Variants in MRPL44 observed in about 807,000 individuals in gnomAD.
MRPL44 encodes the protein mitochondrial ribosomal protein L44, also known as large ribosomal subunit protein mL44.
Under a neutral mutation model 25.9 loss-of-function variants are expected in MRPL44, and 21 were observed. That is an observed-to-expected ratio of 0.81 (90% CI 0.58 to 1.17). The LOEUF (loss-of-function observed/expected upper bound fraction) is 1.17. Among genes scored for constraint, MRPL44 ranks in the 50% most tolerant of loss-of-function variants. The probability of loss-of-function intolerance (pLI) is 0.00; values close to 1 mark genes in which losing one functional copy is unlikely to be tolerated. For synonymous variants in MRPL44, 169 were observed against 151.0 expected (o/e 1.12, Z -0.87); for missense variants, 410 against 398.9 (o/e 1.03, Z -0.24).
At chr2:223,960,235 A>G (rs188367155) in intron 2 of MRPL44, among the ~76,000 whole-genome samples, 1 of 152,300 alleles carries the variant, frequency 6.6e-6, no homozygotes, top group African/African-American at 2.4e-5. Flanking sequence ...ACCACAAGCC[A>G]TATCATCTTT....
chr2:223,962,117 C>T (rs914616821), intron 2 of MRPL44, among the ~76,000 whole-genome samples: 1 of 152,092 alleles, frequency 6.6e-6, no homozygotes, highest in African/African-American at 2.4e-5. Context: ...ACTGCAGCCT[C>T]GACTTCCTGT....
At chr2:223,954,015 A>C (rs1689529621), upstream of MRPL44, among the ~76,000 whole-genome samples, 1 of 152,246 alleles carries the variant, frequency 6.6e-6, no homozygotes, top group Non-Finnish European at 1.5e-5. Flanking sequence ...AGGAACACGT[A>C]AAGTGGAAAC....
intron 3 of MRPL44, among the ~76,000 whole-genome samples, chr2:223,966,568 ATTC>A (rs1376994864): frequency 1.3e-5 from 2 of 152,216 alleles, no homozygotes; most frequent in South Asian, 2.1e-4. Flanking sequence ...TTATTTACAT[ATTC>A]TTCCAATTCT....
In MRPL44 at chr2:223,957,542, C is replaced by G. The variant is rs1248647346; in HGVS notation, c.70C>G (p.Leu24Val). 1.9e-6 allele frequency: 3 copies of G among 1,614,092 alleles called. No individual in the cohort carries two copies. Among genetic ancestry groups the G allele is most frequent in the Non-Finnish European group, 2.5e-6 (3 of 1,180,022 alleles). Reference protein sequence around the residue: ...RCLLAPVAPKLVPPVRGVKKG... With the variant: ...RCLLAPVAPKVVPPVRGVKKG... ...CCTCCTGGCTCCAGTCGCCCCCAAG[C>G]TGGTCCCTCCGGTTCGGGGAGTGAA... is the stretch of plus-strand genomic sequence containing the variant. Residue 24 changes from leucine to valine, a missense_variant, in exon 1 of 4, where the codon CTG becomes GTG. Coordinates refer to ENST00000258383, the MANE Select transcript of MRPL44 (RefSeq NM_022915.5).
At chr2:223,959,466 T>C (rs1689621665) in intron 1 of MRPL44, 68 bp from the exon 2 acceptor site, 12 of 1,216,424 alleles carry the variant, frequency 9.9e-6, no homozygotes, top group Admixed American at 4.5e-5. Context: ...TACAACACAG[T>C]GAACAATTTT....
In MRPL44 at chr2:223,967,313, A is replaced by G. The variant is rs1030594450; in HGVS notation, c.*279A>G. ...AGTGGTGCGATCTCGGCTCACTGCA[A>G]CCTCCACCTCACAGGTTCAAGCGAT... On this transcript the variant is annotated 3_prime_UTR_variant, in exon 4 of 4. Transcript: ENST00000258383. 4.5e-5 allele frequency: 11 copies of G among 246,536 alleles called. No individual in the cohort carries two copies. The highest frequency in any genetic ancestry group is 1.6e-4 in the African/African-American group (7 of 44,166). The allele number at this position is 246,536 out of a possible 1,614,324, so 15.3% of individuals were successfully genotyped here. A position where few individuals can be genotyped will look rare whatever the true frequency, so the allele number is the denominator to read the frequency against.
chr2:223,967,013 A>G lies in MRPL44; in HGVS notation c.978A>G (p.Glu326=). 6 of 1,612,982 alleles carry G rather than the reference A, an allele frequency of 3.7e-6. No individual in the cohort carries two copies. The highest frequency in any genetic ancestry group is 5.1e-6 in the Non-Finnish European group (6 of 1,179,418). ...AGCCCAAAGAAACCTTGAGAGCAGA[A>G]AAGAGCATCACTGCCAGCTAGCCGC... ...YSKPKETLRA[E]KSITAS The change falls in exon 4 of 4, where the codon GAA becomes GAG. Residue 326 remains glutamate, a synonymous_variant. Transcript: ENST00000258383.
chr2:223,955,338 G>T (rs1689548443), upstream of MRPL44, among the ~76,000 whole-genome samples: 1 of 152,110 alleles, frequency 6.6e-6, no homozygotes, highest in Non-Finnish European at 1.5e-5. Flanking sequence ...TCATTCTATG[G>T]TAATTATTTC....
chr2:223,964,536 G>T (rs1034913992), intron 3 of MRPL44, among the ~76,000 whole-genome samples: 3 of 152,114 alleles, frequency 2.0e-5, no homozygotes, highest in Non-Finnish European at 4.4e-5. Context: ...AAGTATAAAA[G>T]AAATAGAAGT....
chr2:223,967,283 A>G lies in MRPL44; in HGVS notation c.*249A>G. 2.7e-6 allele frequency: 1 copy of G among 364,362 alleles called. No homozygotes were observed. The highest frequency in any genetic ancestry group is 4.4e-5 in the South Asian group (1 of 22,600). 22.6% of individuals were successfully genotyped at this position (364,362 alleles called of 1,614,324 possible). On this transcript the variant is annotated 3_prime_UTR_variant, in exon 4 of 4. Transcript: ENST00000258383. ...AGTCTTACTCTGTCGCCCAGGCTGG[A>G]CTGCAGTGGTGCGATCTCGGCTCAC...
At chr2:223,951,477 A>ATTTTTTTT in the MRPL44 span, among the ~76,000 whole-genome samples, 1 of 62,624 alleles carries the variant, frequency 1.6e-5, no homozygotes, top group African/African-American at 5.5e-5. Context: ...CTTACCTTGG[A>ATTTTTTTT]GTTTTTTTTT....
At chr2:223,966,729 T>C in intron 3 of MRPL44, 134 bp from the exon 4 acceptor site, 1 of 651,584 alleles carries the variant, frequency 1.5e-6, no homozygotes, top group South Asian at 4.1e-5. Context: ...AAAGATGATC[T>C]ATCAGAGCTA....
chr2:223,955,203 T>G (rs1689546247), upstream of MRPL44, among the ~76,000 whole-genome samples: 1 of 152,238 alleles, frequency 6.6e-6, no homozygotes, highest in Non-Finnish European at 1.5e-5. Flanking sequence ...AAGTCAAATT[T>G]TCCATCAAGT....
chr2:223,966,728 C>CT (rs1689746926), intron 3 of MRPL44, 135 bp from the exon 4 acceptor site: 2 of 641,440 alleles, frequency 3.1e-6, no homozygotes, highest in Non-Finnish European at 4.9e-6. Flanking sequence ...AAAAGATGAT[C>CT]TATCAGAGCT....
At position 223,957,520 on chromosome 2, in the gene MRPL44, C is replaced by T; in HGVS notation, c.48C>T (p.Leu16=). The T allele has an allele frequency of 6.2e-7, 1 of 1,614,136 alleles. No homozygotes were observed. The highest frequency in any genetic ancestry group is 8.5e-7 in the Non-Finnish European group (1 of 1,180,032). Residue 16 remains leucine, a synonymous_variant, in exon 1 of 4, where the codon CTC becomes CTT. Transcript: ENST00000258383. ...TGCTGCAGCAGGGACATCGCTGCCT[C>T]CTGGCTCCAGTCGCCCCCAAGCTGG... The part of the protein sequence containing the change: ...VRLLQQGHRC[L]LAPVAPKLVP...
At chr2:223,961,270 C>T (rs931844059) in intron 2 of MRPL44, among the ~76,000 whole-genome samples, 13 of 152,140 alleles carry the variant, frequency 8.5e-5, no homozygotes, top group Admixed American at 5.2e-4. Context: ...GATTTGTGCC[C>T]CTTAAAAGGA....
intron 3 of MRPL44, 37 bp from the exon 4 acceptor site, chr2:223,966,826 C>T (rs747992077): frequency 6.3e-6 from 10 of 1,579,360 alleles, no homozygotes; most frequent in South Asian, 4.6e-5. Flanking sequence ...TTACAATATT[C>T]CATGTAATTT....
chr2:223,963,854 T>G lies in MRPL44; in HGVS notation c.747T>G (p.Asn249Lys). The G allele has an allele frequency of 2.5e-6, 4 of 1,613,974 alleles. No homozygotes were observed. The highest frequency in any genetic ancestry group is 1.1e-5 in the South Asian group (1 of 91,074). Residue 249 changes from asparagine (N) to lysine (K), a missense_variant, in exon 3 of 4, where the codon AAT becomes AAG. By Grantham distance (94) the Asn-to-Lys change is moderately conservative. Coordinates refer to ENST00000258383, the MANE Select transcript of MRPL44 (RefSeq NM_022915.5). Reference protein sequence around the residue: ...GLLVEELKKRNVSAPESRLTR... With the variant: ...GLLVEELKKRKVSAPESRLTR... ...TGGTAGAAGAACTGAAGAAAAGGAA[T>G]GTTTCAGCTCCTGAATCAAGACTTA... is the stretch of plus-strand genomic sequence containing the variant.
chr2:223,960,275 G>A (rs1259661219), intron 2 of MRPL44, among the ~76,000 whole-genome samples: 2 of 152,124 alleles, frequency 1.3e-5, no homozygotes, highest in African/African-American at 4.8e-5. Flanking sequence ...CAAGGATACT[G>A]CCTGCATGAG....
Sources: allele counts gnomAD v4.1 joint callset (sites outside exome capture counted in the v4.1 genomes callset), GRCh38; gene constraint gnomAD v4.1.1; transcripts MANE v1.5; gene names NCBI Gene and HGNC (gene_info 2026-07-23, HGNC 2026-07-21).